Variants in FANCG observed in about 807,000 individuals in gnomAD.
FANCG encodes Fanconi anemia group G protein.
A neutral mutation model predicts 73.3 loss-of-function variants in FANCG; 67 were observed. The observed-to-expected ratio is 0.91, with a 90% CI of 0.75 to 1.12. FANCG has a LOEUF of 1.12. Ranked by LOEUF, FANCG falls within the 50% of genes most tolerant of loss-of-function variation. The pLI is 0.00. For synonymous variants in FANCG, 297 were observed against 311.6 expected (o/e 0.95, Z 0.49); for missense variants, 643 against 735.6 (o/e 0.87, Z 1.46).
chr9:35,075,818 A>C, intron 9 of FANCG, 64 bp from the exon 10 acceptor site: 1 of 1,550,542 alleles, frequency 6.4e-7, no homozygotes, highest in African/African-American at 1.4e-5. Flanking sequence ...CCTCTTCACC[A>C]GGCTCTGGTA....
chr9:35,075,646 C>A lies in FANCG; in HGVS notation c.1252G>T (p.Glu418Ter), dbSNP rs886063896. The change falls in exon 10 of 14, where the codon GAG becomes TAG. Residue 418 changes from glutamate to a stop codon, truncating the protein, a stop_gained. Transcript: ENST00000378643. LOFTEE classifies it high-confidence loss of function. ...GATGATGTGCGGCTGAGCAACTCCT[C>A]ACATAGAGTCAAGGCATCTTGGGCT... is the stretch of plus-strand genomic sequence containing the variant. ...GRAQDALTLC[E>*]ELLSRTSSLL... 1 of 1,613,314 alleles carries A rather than the reference C, an allele frequency of 6.2e-7. No homozygotes were observed. The highest frequency in any genetic ancestry group is 1.1e-5 in the South Asian group (1 of 91,042).
Position 35,079,849 on chromosome 9 carries a change from G to A in FANCG, c.-325C>T. ...TCAGCAACCCCAAACAGGCTTAGGC[G>A]GGCTAGAAGCCGGGGTCGTGTCTGA... On this transcript the variant is annotated 5_prime_UTR_variant, in exon 1 of 14. Transcript: ENST00000378643. 4.4e-6 allele frequency: 2 copies of A among 457,112 alleles called. No individual in the cohort carries two copies. The highest frequency in any genetic ancestry group is 3.9e-5 in the East Asian group (1 of 25,880). 28.3% of individuals were successfully genotyped at this position (457,112 alleles called of 1,614,324 possible).
chr9:35,078,756 C>T lies in FANCG; in HGVS notation c.176-20G>A, dbSNP rs762676174. ...GGAGCCCTGGAGCAACAATGTTGGT[C>T]TTACAGACTGCTCCCCCATGGAAGA... On this transcript the variant is annotated intron_variant, in intron 2 of 13. Transcript: ENST00000378643. 8.7e-6 allele frequency: 14 copies of T among 1,614,076 alleles called. No homozygotes were observed. Among genetic ancestry groups the T allele is most frequent in the East Asian group, 6.7e-5 (3 of 44,882 alleles).
At position 35,078,241 on chromosome 9, in the gene FANCG, G is replaced by C. The variant is rs1203036492; in HGVS notation, c.410C>G (p.Ser137Cys). 1 of 1,614,184 alleles carries C rather than the reference G, an allele frequency of 6.2e-7. No individual in the cohort carries two copies. The highest frequency in any genetic ancestry group is 1.7e-5 in the Admixed American group (1 of 60,026). Residue 137 changes from serine to cysteine, a missense_variant, in exon 4 of 14, where the codon TCT becomes TGT. Physicochemically the swap from Ser to Cys is moderately radical, Grantham distance 112. Transcript: ENST00000378643. Reference sequence around the variant, plus strand: ...CAGGCCAACCAGGCGGTGCAGGGCAGACAGCAGCTCCGGCAGAAGGCAGGA... The same window carrying C: ...CAGGCCAACCAGGCGGTGCAGGGCACACAGCAGCTCCGGCAGAAGGCAGGA... ...RASCLLPELL[S>C]ALHRLVGLQA...
At chr9:35,074,721 T>G in intron 12 of FANCG, 1 of 857,562 alleles carries the variant, frequency 1.2e-6, no homozygotes, top group Non-Finnish European at 1.9e-6. Flanking sequence ...TCTGAGGATA[T>G]CGGGGAAACC....
At position 35,079,200 on chromosome 9, in the gene FANCG, C is replaced by G. The variant is rs138331241; in HGVS notation, c.126G>C (p.Leu42Phe). 1 of 1,608,774 alleles carries G rather than the reference C, an allele frequency of 6.2e-7. No homozygotes were observed. Among genetic ancestry groups the G allele is most frequent in the African/African-American group, 1.3e-5 (1 of 74,794 alleles). Residue 42 changes from leucine (L) to phenylalanine (F), a missense_variant, in exon 2 of 14, where the codon TTG (leucine) becomes TTC (phenylalanine). Coordinates refer to ENST00000378643, the MANE Select transcript of FANCG (RefSeq NM_004629.2). ...NSGLTLRRQQ[L>F]AQDALEGLRG... is the part of the protein sequence containing the mutation. ...TGAGCCCTTCCAGTGCATCCTGAGC[C>G]AACTGCTGTCGCCTCAGAGTCAGAC...
Position 35,079,072 on chromosome 9 carries a change from C to A in FANCG, c.175+79G>T, listed in dbSNP as rs917457111. On this transcript the variant is annotated intron_variant, in intron 2 of 13. Transcript: ENST00000378643. Reference sequence around the variant, plus strand: ...GACTCCCTGCCCCGAGTAATTATATCGATCCCAAAAACGCAGGAGCGGATG... The same window carrying A: ...GACTCCCTGCCCCGAGTAATTATATAGATCCCAAAAACGCAGGAGCGGATG... The A allele has an allele frequency of 2.3e-5, 29 of 1,257,170 alleles. No individual in the cohort carries two copies. The East Asian group carries it at 3.3e-4, about 14-fold the overall frequency. The allele number at this position is 1,257,170 out of a possible 1,614,324, so 77.9% of individuals were successfully genotyped here.
chr9:35,074,870 T>G, intron 12 of FANCG, 57 bp downstream of exon 12: 1 of 1,605,546 alleles, frequency 6.2e-7, no homozygotes. Context: ...GTATTTCCCA[T>G]GGGCCTCTCT....
chr9:35,076,239 T>A, intron 8 of FANCG, 193 bp downstream of exon 8: 2 of 795,850 alleles, frequency 2.5e-6, no homozygotes, highest in Non-Finnish European at 4.3e-6. Context: ...GTGTCAAAGA[T>A]AGAGAAGGTT....
In FANCG at chr9:35,075,093, C is replaced by G. The variant is rs773509710; in HGVS notation, c.1481-11G>C. ...AGTTGAAAGCTGCCCCTGGGGACCA[C>G]TCCCAAAGTCAAGAAGTGTCTTCCC... On this transcript the variant is annotated splice_polypyrimidine_tract_variant and intron_variant, in intron 11 of 13. Transcript: ENST00000378643. 2 of 1,613,778 alleles carry G rather than the reference C, an allele frequency of 1.2e-6. No homozygotes were observed. Among genetic ancestry groups the G allele is most frequent in the Admixed American group, 3.3e-5 (2 of 60,016 alleles).
intron 12 of FANCG, 102 bp from the exon 13 acceptor site, chr9:35,074,596 C>A: frequency 6.8e-7 from 1 of 1,481,460 alleles, no homozygotes; most frequent in Non-Finnish European, 9.4e-7. Context: ...AAGTATCTTG[C>A]CTACACTCAC....
rs1456650306 is a variant in FANCG, at chr9:35,077,041, G to A, written c.707C>T (p.Ala236Val). ...DKALSSLHEA[A>V]SGLCPRPVLV... is the part of the protein sequence containing the mutation. ...CACAGGCCGTGGACACAGGCCTGAG[G>A]CCGCTTCATGAAGGCTGCTTAGTGC... The change falls in exon 6 of 14, where the codon GCC becomes GTC. Residue 236 changes from alanine (A) to valine (V), a missense_variant. Coordinates refer to ENST00000378643, the MANE Select transcript of FANCG (RefSeq NM_004629.2). 1 of 1,614,088 alleles carries A rather than the reference G, an allele frequency of 6.2e-7. No homozygotes were observed. Among genetic ancestry groups the A allele is most frequent in the Non-Finnish European group, 8.5e-7 (1 of 1,180,060 alleles).
rs1829152006 is a variant in FANCG, at chr9:35,079,906, C to T, written c.-382G>A. ...CAGTCGCACGGCCGGCGGTGCGGCC[C>T]GCTCGGCTCTCGCGGAGGCCACAGC... On this transcript the variant is annotated 5_prime_UTR_variant, in exon 1 of 14. Transcript: ENST00000378643. 2 of 406,556 alleles carry T rather than the reference C, an allele frequency of 4.9e-6. No homozygotes were observed. The highest frequency in any genetic ancestry group is 2.5e-5 in the South Asian group (1 of 39,952). The allele number at this position is 406,556 out of a possible 1,614,324, so 25.2% of individuals were successfully genotyped here. A position where few individuals can be genotyped will look rare whatever the true frequency, so the allele number is the denominator to read the frequency against.
chr9:35,078,780 G>C, intron 2 of FANCG, 44 bp from the exon 3 acceptor site: 1 of 1,613,338 alleles, frequency 6.2e-7, no homozygotes, highest in East Asian at 2.2e-5. Flanking sequence ...CCCCATGGAA[G>C]ATCCTCCAAA....
At chr9:35,078,011 A>C in intron 4 of FANCG, 130 bp downstream of exon 4, 1 of 878,402 alleles carries the variant, frequency 1.1e-6, no homozygotes. Context: ...CAAGAGTCCC[A>C]GAGAGAATCC....
At position 35,076,773 on chromosome 9, in the gene FANCG, T is replaced by C; in HGVS notation, c.875A>G (p.Gln292Arg). ...CAGCTCTGCTGTTGTGTCCCCCAGT[T>C]GCTGATAGAGCCTAGAGGCCTCCAG... Reference protein sequence around the residue: ...PLLEASRLYQQLGDTTAELES... With the variant: ...PLLEASRLYQRLGDTTAELES... The change falls in exon 7 of 14, where the codon CAA becomes CGA. Residue 292 changes from glutamine (Q) to arginine (R), a missense_variant. Gln to Arg is a conservative substitution (Grantham distance 43). Transcript: ENST00000378643. 1 of 1,614,172 alleles carries C rather than the reference T, an allele frequency of 6.2e-7. No individual in the cohort carries two copies. The highest frequency in any genetic ancestry group is 8.5e-7 in the Non-Finnish European group (1 of 1,180,022).
In FANCG at chr9:35,076,286, A is replaced by T. The variant is rs557304506; in HGVS notation, c.1076+146T>A. ...GAAGAGTCCTCAGTTCAGGTCTAGA[A>T]GCAAGGTAAGAGGCTGAGGAGTGGC... On this transcript the variant is annotated intron_variant, in intron 8 of 13. Transcript: ENST00000378643. The T allele has an allele frequency of 9.4e-6, 9 of 953,958 alleles. No homozygotes were observed. The South Asian group carries it at 1.2e-4, about 13-fold the overall frequency. The allele number at this position is 953,958 out of a possible 1,614,324, so 59.1% of individuals were successfully genotyped here.
rs1311810654 is a variant in FANCG at position 35,079,255 on chromosome 9, G to C, written c.85-14C>G. On this transcript the variant is annotated splice_polypyrimidine_tract_variant and intron_variant, in intron 1 of 13. Transcript: ENST00000378643. Reference sequence around the variant, plus strand: ...GTTCTGAGCCACCTGCCACATGAGGGAGGGGTTGTCACTGAGGATCAATCC... The same window carrying C: ...GTTCTGAGCCACCTGCCACATGAGGCAGGGGTTGTCACTGAGGATCAATCC... 1.2e-6 allele frequency: 2 copies of C among 1,603,596 alleles called. No homozygotes were observed. The highest frequency in any genetic ancestry group is 1.3e-5 in the African/African-American group (1 of 74,640).
rs1829102198 is a variant in FANCG, at chr9:35,077,255, C to T, written c.646+9G>A. ...AAGGTAGAAGAGATGAGTCAGGTTGCTAGCTGACCTTGGCGGTAGGCAAAT... is the reference window on the plus strand; with the variant it reads ...AAGGTAGAAGAGATGAGTCAGGTTGTTAGCTGACCTTGGCGGTAGGCAAAT... On this transcript the variant is annotated intron_variant, in intron 5 of 13. Transcript: ENST00000378643. 3 of 1,614,092 alleles carry T rather than the reference C, an allele frequency of 1.9e-6. No homozygotes were observed. The highest frequency in any genetic ancestry group is 3.3e-5 in the Admixed American group (2 of 60,012).
Sources: gnomAD v4.1 joint callset for allele counts on GRCh38, gnomAD v4.1.1 for gene constraint, MANE v1.5 for transcripts, NCBI Gene and HGNC (gene_info 2026-07-23, HGNC 2026-07-21) for gene names.